The following NCK2 variants were observed in gnomAD, a reference collection of about 807,000 sequenced individuals.
NCK2 encodes the protein NCK adaptor protein 2.
Under a neutral mutation model 33.9 loss-of-function variants are expected in NCK2, and 16 were observed. That is an observed-to-expected ratio of 0.47 (90% CI 0.32 to 0.72). NCK2 has a LOEUF of 0.72. NCK2 is among the 30% of genes least tolerant of loss of function. The pLI is 0.03. For missense variants in NCK2, 418 were observed against 537.3 expected (o/e 0.78, Z 2.19); for synonymous variants, 273 against 239.9 (o/e 1.14, Z -1.27).
chr2:105,762,993 G>A (rs538244853), intron 1 of NCK2, among the ~76,000 whole-genome samples: 13 of 152,234 alleles, frequency 8.5e-5, no homozygotes, highest in Admixed American at 3.9e-4. Context: ...TCAGGAGTTC[G>A]AAACCAGCCT....
At chr2:105,868,115 C>T (rs1677834566) in intron 3 of NCK2, among the ~76,000 whole-genome samples, 1 of 152,190 alleles carries the variant, frequency 6.6e-6, no homozygotes, top group Non-Finnish European at 1.5e-5. Context: ...TGTAGGGCTC[C>T]TGCATGGCCC....
intron 2 of NCK2, among the ~76,000 whole-genome samples, chr2:105,840,900 T>C (rs997377816): frequency 2.0e-5 from 3 of 151,296 alleles, no homozygotes; most frequent in Non-Finnish European, 4.4e-5. Context: ...CACGGAAAGG[T>C]AAAAGGCCGT....
intron 1 of NCK2, among the ~76,000 whole-genome samples, chr2:105,763,129 C>T (rs1481205719): frequency 6.6e-6 from 1 of 152,142 alleles, no homozygotes; most frequent in Non-Finnish European, 1.5e-5. Flanking sequence ...ACCCAGAAGG[C>T]AGAGGTTGCA....
intron 1 of NCK2, among the ~76,000 whole-genome samples, chr2:105,795,208 G>A (rs112878758): frequency 2.8e-4 from 43 of 152,252 alleles, no homozygotes; most frequent in Admixed American, 9.2e-4. Flanking sequence ...CACTCTTTGC[G>A]TTGTGCATTC....
At chr2:105,757,921 G>C (rs534786982) in intron 1 of NCK2, among the ~76,000 whole-genome samples, 21 of 152,132 alleles carry the variant, frequency 1.4e-4, no homozygotes, top group African/African-American at 5.1e-4. Flanking sequence ...CCACATGCCA[G>C]TTGTAAGCCA....
At chr2:105,771,586 T>C (rs1690138185) in intron 1 of NCK2, among the ~76,000 whole-genome samples, 1 of 152,114 alleles carries the variant, frequency 6.6e-6, no homozygotes, top group Non-Finnish European at 1.5e-5. Flanking sequence ...AGACCTAATT[T>C]AGACAAATAT....
chr2:105,754,523 G>T (rs750384319), intron 1 of NCK2, among the ~76,000 whole-genome samples: 1 of 152,214 alleles, frequency 6.6e-6, no homozygotes, highest in Admixed American at 6.5e-5. Flanking sequence ...GGCTACAGGA[G>T]AGGAGAGCAG....
chr2:105,847,118 G>C (rs1676881648), intron 2 of NCK2: 1 of 152,194 alleles, frequency 6.6e-6, no homozygotes, highest in Non-Finnish European at 1.5e-5. Context: ...CAAATTCGCA[G>C]GGACAGAAAG....
chr2:105,781,238 G>T (rs1222803974), intron 1 of NCK2, among the ~76,000 whole-genome samples: 1 of 152,174 alleles, frequency 6.6e-6, no homozygotes, highest in East Asian at 1.9e-4. Context: ...TTCAGCCCTT[G>T]TGAATTTTAT....
At chr2:105,889,525 A>C (rs1678875748) in intron 4 of NCK2, among the ~76,000 whole-genome samples, 3 of 151,368 alleles carry the variant, frequency 2.0e-5, no homozygotes, top group Admixed American at 6.6e-5. Flanking sequence ...CCACCCCAGA[A>C]TTTCTGCTAC....
intron 1 of NCK2, among the ~76,000 whole-genome samples, chr2:105,765,067 T>TA (rs1689896164): frequency 6.6e-6 from 1 of 152,050 alleles, no homozygotes; most frequent in Non-Finnish European, 1.5e-5. Flanking sequence ...ATTGCAGAGT[T>TA]ACATGGTATG....
At chr2:105,803,062 A>G (rs546508578) in intron 1 of NCK2, among the ~76,000 whole-genome samples, 14 of 152,070 alleles carry the variant, frequency 9.2e-5, no homozygotes, top group African/African-American at 3.4e-4. Context: ...CATTTTTCAA[A>G]TTGATGGTTT....
intron 1 of NCK2, among the ~76,000 whole-genome samples, chr2:105,749,347 T>TA (rs1308178546): frequency 6.6e-6 from 1 of 152,248 alleles, no homozygotes; most frequent in Non-Finnish European, 1.5e-5. Flanking sequence ...CTGGGGTGCT[T>TA]ACGTTGCCAA....
chr2:105,780,854 C>A (rs897302248), intron 1 of NCK2, among the ~76,000 whole-genome samples: 1 of 152,232 alleles, frequency 6.6e-6, no homozygotes, highest in South Asian at 2.1e-4. Flanking sequence ...ACTGAATTTC[C>A]TGGTACTTTG....
intron 1 of NCK2, among the ~76,000 whole-genome samples, chr2:105,797,784 C>G (rs965680915): frequency 2.6e-5 from 4 of 152,178 alleles, no homozygotes; most frequent in African/African-American, 9.7e-5. Flanking sequence ...CTTTTGTCCT[C>G]CTGTAGAAAC....
At position 105,893,187 on chromosome 2, in the gene NCK2, G is replaced by GC; in HGVS notation, c.*15dup. The GC allele has an allele frequency of 6.4e-7, 1 of 1,572,984 alleles. No homozygotes were observed. The highest frequency in any genetic ancestry group is 8.6e-7 in the Non-Finnish European group (1 of 1,158,572). On this transcript the variant is annotated 3_prime_UTR_variant, in exon 5 of 5. Transcript: ENST00000233154. ...AGGGCCCTGCAGTGACGGCGCCCCG[G>GC]CCCCACACTCGCCTCCCGGGCCCCA...
intron 2 of NCK2, among the ~76,000 whole-genome samples, chr2:105,848,925 A>AT (rs1399233682): frequency 6.6e-6 from 1 of 152,058 alleles, no homozygotes; most frequent in African/African-American, 2.4e-5. Context: ...TATAGACTCA[A>AT]TTTTTTTTCT....
intron 2 of NCK2, chr2:105,848,595 C>T (rs1446672774): frequency 6.6e-6 from 1 of 152,194 alleles, no homozygotes; most frequent in Non-Finnish European, 1.5e-5. Flanking sequence ...TGCACACGGC[C>T]TGCCTCCAAC....
At chr2:105,892,319 T>G (rs1573260713) in intron 4 of NCK2, among the ~76,000 whole-genome samples, 1 of 152,200 alleles carries the variant, frequency 6.6e-6, no homozygotes, top group Admixed American at 6.5e-5. Flanking sequence ...AAAAATAGTT[T>G]GGGAAATGAA....
Sources: gnomAD v4.1 joint callset for allele counts (sites outside exome capture counted in the v4.1 genomes callset) on GRCh38, gnomAD v4.1.1 for gene constraint, MANE v1.5 for transcripts, NCBI Gene and HGNC (gene_info 2026-07-23, HGNC 2026-07-21) for gene names.